CHRM3: variants seen among roughly 807,000 people sequenced by gnomAD.
CHRM3 encodes muscarinic acetylcholine receptor M3.
A neutral mutation model predicts 41.8 loss-of-function variants in CHRM3; 11 were observed. The observed-to-expected ratio is 0.26, with a 90% CI of 0.17 to 0.44. The LOEUF is 0.44. CHRM3 is among the 20% of genes least tolerant of loss of function. The pLI is 1.00. For missense variants in CHRM3, 571 were observed against 745.4 expected, an observed-to-expected ratio of 0.77 and a Z score of 2.72; for synonymous variants, 297 against 301.4, an observed-to-expected ratio of 0.99 and a Z score of 0.15.
chr1:239,461,741 T>A (rs1334000281), intron 1 of CHRM3, among the ~76,000 whole-genome samples: 2 of 152,018 alleles, frequency 1.3e-5, no homozygotes, highest in Non-Finnish European at 2.9e-5. Flanking sequence ...TCATCTTCTA[T>A]CCCCATTTTT....
At chr1:239,410,972 C>G (rs1412282729) in intron 1 of CHRM3, among the ~76,000 whole-genome samples, 1 of 152,188 alleles carries the variant, frequency 6.6e-6, no homozygotes, top group Non-Finnish European at 1.5e-5. Context: ...GGAAACCTGC[C>G]TCTTTTCACC....
At chr1:239,735,622 G>A (rs1664331706) in intron 5 of CHRM3, among the ~76,000 whole-genome samples, 1 of 152,072 alleles carries the variant, frequency 6.6e-6, no homozygotes, top group African/African-American at 2.4e-5. Context: ...TTGGCTAGAG[G>A]TATAAGTTGC....
intron 5 of CHRM3, among the ~76,000 whole-genome samples, chr1:239,697,563 A>AGAAAGGAGATGGGTTT: frequency 6.6e-6 from 1 of 152,352 alleles, no homozygotes; most frequent in East Asian, 1.9e-4. Context: ...TGGCAAGGAT[A>AGAAAGGAGATGGGTTT]GAAAGGAGAT....
intron 1 of CHRM3, among the ~76,000 whole-genome samples, chr1:239,487,865 A>AC (rs1349485900): frequency 1.3e-5 from 2 of 151,696 alleles, no homozygotes; most frequent in South Asian, 2.1e-4. Context: ...TGCAAAAAAA[A>AC]AAAACAAAAC....
chr1:239,868,963 G>T (rs556240137), intron 6 of CHRM3, among the ~76,000 whole-genome samples: 1 of 152,230 alleles, frequency 6.6e-6, no homozygotes, highest in East Asian at 1.9e-4. Context: ...CAAGGTCAAG[G>T]TCCTTACAAG....
At chr1:239,875,048 A>G (rs1379737255) in intron 6 of CHRM3, among the ~76,000 whole-genome samples, 1 of 152,128 alleles carries the variant, frequency 6.6e-6, no homozygotes, top group Non-Finnish European at 1.5e-5. Flanking sequence ...CACCAACCCA[A>G]TGTATCTTTG....
intron 1 of CHRM3, among the ~76,000 whole-genome samples, chr1:239,429,007 C>T (rs1662618322): frequency 1.3e-5 from 2 of 152,152 alleles, no homozygotes; most frequent in Non-Finnish European, 2.9e-5. Flanking sequence ...GAAATATACA[C>T]ATGAGGGCAT....
intron 1 of CHRM3, among the ~76,000 whole-genome samples, chr1:239,406,588 C>A (rs897071782): frequency 2.6e-5 from 4 of 152,196 alleles, no homozygotes; most frequent in African/African-American, 9.6e-5. Context: ...AGCCCATCCT[C>A]ATTCCAGCAA....
At chr1:239,621,394 A>G (rs1435568701) in intron 3 of CHRM3, among the ~76,000 whole-genome samples, 1 of 152,168 alleles carries the variant, frequency 6.6e-6, no homozygotes, top group Non-Finnish European at 1.5e-5. Flanking sequence ...TGTCTCAGTC[A>G]AAAACTAGAA....
intron 3 of CHRM3, among the ~76,000 whole-genome samples, chr1:239,578,194 A>T (rs1239901548): frequency 6.6e-6 from 1 of 152,182 alleles, no homozygotes; most frequent in African/African-American, 2.4e-5. Context: ...GTCAGTTTTG[A>T]TAATTTATAA....
At chr1:239,594,475 T>C (rs1040171427) in intron 3 of CHRM3, among the ~76,000 whole-genome samples, 2 of 152,238 alleles carry the variant, frequency 1.3e-5, no homozygotes, top group African/African-American at 4.8e-5. Context: ...ATATAGGTTC[T>C]AGTCTAAAAC....
At chr1:239,542,350 T>C (rs1333773518) in intron 2 of CHRM3, among the ~76,000 whole-genome samples, 1 of 152,156 alleles carries the variant, frequency 6.6e-6, no homozygotes, top group Non-Finnish European at 1.5e-5. Context: ...AATTAGAAGA[T>C]GTTATCTACT....
At chr1:239,526,802 T>G (rs767864569) in intron 2 of CHRM3, among the ~76,000 whole-genome samples, 1 of 152,146 alleles carries the variant, frequency 6.6e-6, no homozygotes, top group Non-Finnish European at 1.5e-5. Context: ...TAATTAACTT[T>G]CATTGCAACC....
chr1:239,707,684 T>C (rs1045775140), intron 5 of CHRM3: 3 of 152,248 alleles, frequency 2.0e-5, no homozygotes, highest in Non-Finnish European at 4.4e-5. Context: ...ATTGCTTTTG[T>C]AGTTTTTTTG....
At chr1:239,440,997 C>T (rs1415261816) in intron 1 of CHRM3, among the ~76,000 whole-genome samples, 2 of 152,100 alleles carry the variant, frequency 1.3e-5, no homozygotes, top group Non-Finnish European at 2.9e-5. Flanking sequence ...CTTTTGATTA[C>T]TTAGTGCTCT....
intron 1 of CHRM3, among the ~76,000 whole-genome samples, chr1:239,472,731 G>A (rs1666210714): frequency 6.6e-6 from 1 of 151,762 alleles, no homozygotes; most frequent in African/African-American, 2.4e-5. Context: ...GTTGGGGGTG[G>A]GATGGAGGAG....
intron 1 of CHRM3, among the ~76,000 whole-genome samples, chr1:239,396,185 A>T (rs1356046042): frequency 1.3e-5 from 2 of 151,214 alleles, no homozygotes; most frequent in African/African-American, 4.9e-5. Flanking sequence ...GATTACATTC[A>T]CTCTTGGTTT....
intron 2 of CHRM3, among the ~76,000 whole-genome samples, chr1:239,498,186 A>G (rs1389455703): frequency 6.6e-6 from 1 of 152,136 alleles, no homozygotes; most frequent in Non-Finnish European, 1.5e-5. Context: ...CTTTTTGTTT[A>G]TCATATATAA....
intron 5 of CHRM3, among the ~76,000 whole-genome samples, chr1:239,741,687 G>GAT (rs5782097): frequency 6.6e-6 from 1 of 151,520 alleles, no homozygotes; most frequent in Non-Finnish European, 1.5e-5. Flanking sequence ...AAAGCCTTTT[G>GAT]TTTTTTTTAT....
Sources: allele counts gnomAD v4.1 joint callset (sites outside exome capture counted in the v4.1 genomes callset), GRCh38; gene constraint gnomAD v4.1.1; transcripts MANE v1.5; gene names NCBI Gene and HGNC (gene_info 2026-07-23, HGNC 2026-07-21).